The following CLSTN2 variants were observed in gnomAD, a reference collection of about 807,000 sequenced individuals.
CLSTN2 encodes calsyntenin-2.
In CLSTN2, 48 loss-of-function variants were observed where a neutral mutation model predicts 101.2. That is an observed-to-expected ratio of 0.47 (90% CI 0.38 to 0.60). The LOEUF (loss-of-function observed/expected upper bound fraction) is 0.60. Ranked by LOEUF, CLSTN2 falls within the 20% of genes least tolerant of loss-of-function variation. The probability of loss-of-function intolerance (pLI) is 0.00; values close to 1 mark genes in which losing one functional copy is unlikely to be tolerated. For synonymous variants in CLSTN2, 481 were observed against 463.6 expected (o/e 1.04, Z -0.48); for missense variants, 1,160 against 1,238.2 (o/e 0.94, Z 0.95).
intron 1 of CLSTN2, among the ~76,000 whole-genome samples, chr3:139,983,803 G>A (rs1159061004): frequency 1.3e-5 from 2 of 151,996 alleles, no homozygotes; most frequent in Non-Finnish European, 2.9e-5. Context: ...TGTATAAAGT[G>A]CTATACATGT....
At chr3:140,344,547 G>T (rs920552262) in intron 2 of CLSTN2, among the ~76,000 whole-genome samples, 1 of 152,086 alleles carries the variant, frequency 6.6e-6, no homozygotes, top group Non-Finnish European at 1.5e-5. Flanking sequence ...TAGAGTTTTT[G>T]TGTGCCATCC....
intron 4 of CLSTN2, among the ~76,000 whole-genome samples, chr3:140,414,773 A>G (rs1456329845): frequency 6.6e-6 from 1 of 152,116 alleles, no homozygotes; most frequent in Non-Finnish European, 1.5e-5. Context: ...TAGAGACTCA[A>G]TGCAATCTCT....
chr3:140,280,730 T>C (rs962920777), intron 2 of CLSTN2, among the ~76,000 whole-genome samples: 21 of 152,290 alleles, frequency 1.4e-4, no homozygotes, highest in Middle Eastern at 3.4e-3. Context: ...CTTGCAATTA[T>C]GCACCAGCCA....
intron 2 of CLSTN2, among the ~76,000 whole-genome samples, chr3:140,356,497 T>C (rs775999408): frequency 1.5e-4 from 23 of 152,066 alleles, no homozygotes; most frequent in Non-Finnish European, 2.9e-4. Context: ...CGGTGGCTCA[T>C]GCCTGTAATC....
At chr3:140,024,489 A>G (rs916573023) in intron 1 of CLSTN2, among the ~76,000 whole-genome samples, 2 of 152,154 alleles carry the variant, frequency 1.3e-5, no homozygotes, top group African/African-American at 4.8e-5. Flanking sequence ...CCTGGAGAGA[A>G]CTAAGGGTGT....
chr3:139,998,798 G>C (rs1445256653), intron 1 of CLSTN2, among the ~76,000 whole-genome samples: 1 of 151,990 alleles, frequency 6.6e-6, no homozygotes, highest in African/African-American at 2.4e-5. Context: ...ACCTGCTCTG[G>C]CCCAGAGCAG....
chr3:140,483,268 A>C (rs551190672), intron 8 of CLSTN2, among the ~76,000 whole-genome samples: 34 of 152,274 alleles, frequency 2.2e-4, no homozygotes, highest in Non-Finnish European at 4.4e-5. Context: ...TGCGTTTCTT[A>C]ATCCTGAGTT....
In CLSTN2 at chr3:140,566,260, G is replaced by A; in HGVS notation, c.*7G>A. 1 of 1,557,288 alleles carries A rather than the reference G, an allele frequency of 6.4e-7. No individual in the cohort carries two copies. The highest frequency in any genetic ancestry group is 8.7e-7 in the Non-Finnish European group (1 of 1,150,750). Reference sequence around the variant, plus strand: ...CTCCACCCTCCCCTACTAGTGCCCAGGGGTCTGCTGCCTGGCCCACATGTC... The same window carrying A: ...CTCCACCCTCCCCTACTAGTGCCCAAGGGTCTGCTGCCTGGCCCACATGTC... On this transcript the variant is annotated 3_prime_UTR_variant, in exon 17 of 17. Coordinates refer to ENST00000458420, the MANE Select transcript of CLSTN2 (RefSeq NM_022131.3).
intron 2 of CLSTN2, among the ~76,000 whole-genome samples, chr3:140,262,427 G>A (rs1455470458): frequency 1.3e-5 from 2 of 152,186 alleles, no homozygotes; most frequent in African/African-American, 4.8e-5. Flanking sequence ...AGGTAAAAGA[G>A]AGAGGAGTGT....
At chr3:140,280,661 T>G (rs1288036999) in intron 2 of CLSTN2, among the ~76,000 whole-genome samples, 2 of 152,210 alleles carry the variant, frequency 1.3e-5, no homozygotes, top group Non-Finnish European at 2.9e-5. Flanking sequence ...TAGAGCTTCT[T>G]ACAGTGTGCC....
At chr3:140,368,980 C>T (rs533040833) in intron 2 of CLSTN2, among the ~76,000 whole-genome samples, 1 of 152,186 alleles carries the variant, frequency 6.6e-6, no homozygotes, top group Non-Finnish European at 1.5e-5. Context: ...TTCCTGCACT[C>T]TCCTGGTTAG....
chr3:140,313,075 A>G (rs148118393), intron 2 of CLSTN2, among the ~76,000 whole-genome samples: 1,908 of 152,300 alleles, frequency 0.013, 48 homozygotes, highest in African/African-American at 0.044. Flanking sequence ...TGTGCCATTC[A>G]TGGTTCTACG....
intron 4 of CLSTN2, among the ~76,000 whole-genome samples, chr3:140,416,079 G>T (rs919607532): frequency 4.6e-5 from 7 of 152,172 alleles, no homozygotes; most frequent in Non-Finnish European, 7.3e-5. Context: ...CCCGAAGGAC[G>T]TTATGCTAAG....
intron 1 of CLSTN2, among the ~76,000 whole-genome samples, chr3:140,039,016 T>C (rs1033603486): frequency 6.6e-6 from 1 of 152,214 alleles, no homozygotes; most frequent in Non-Finnish European, 1.5e-5. Flanking sequence ...ACCCCAGATA[T>C]CTGGTAAGGT....
intron 1 of CLSTN2, among the ~76,000 whole-genome samples, chr3:140,001,833 T>A (rs1183612300): frequency 6.6e-6 from 1 of 152,136 alleles, no homozygotes; most frequent in Non-Finnish European, 1.5e-5. Context: ...GTTCAATTGT[T>A]TTAATTTCTA....
intron 1 of CLSTN2, among the ~76,000 whole-genome samples, chr3:140,044,890 A>G (rs2007838442): frequency 6.6e-6 from 1 of 152,174 alleles, no homozygotes; most frequent in African/African-American, 2.4e-5. Context: ...CCACTTGATC[A>G]TGGTGGATAA....
At chr3:140,552,297 G>T (rs892980273) in intron 10 of CLSTN2, among the ~76,000 whole-genome samples, 2 of 151,914 alleles carry the variant, frequency 1.3e-5, no homozygotes, top group Non-Finnish European at 2.9e-5. Flanking sequence ...CCCTTTGCTG[G>T]GTCCCCTAGC....
intron 1 of CLSTN2, among the ~76,000 whole-genome samples, chr3:140,065,337 C>T (rs748555114): frequency 6.6e-6 from 1 of 152,204 alleles, no homozygotes; most frequent in South Asian, 2.1e-4. Flanking sequence ...GTTTCACCTT[C>T]ACAGTCATCT....
intron 2 of CLSTN2, among the ~76,000 whole-genome samples, chr3:140,380,352 G>T (rs139909387): frequency 2.0e-5 from 3 of 152,172 alleles, no homozygotes; most frequent in African/African-American, 7.2e-5. Context: ...TGGTGCCCTC[G>T]TGTGTGATCT....
Sources: allele counts gnomAD v4.1 joint callset (sites outside exome capture counted in the v4.1 genomes callset), GRCh38; gene constraint gnomAD v4.1.1; transcripts MANE v1.5; gene names NCBI Gene and HGNC (gene_info 2026-07-23, HGNC 2026-07-21).